The following IL6ST variants were observed in gnomAD, a reference collection of about 807,000 sequenced individuals.
IL6ST encodes interleukin 6 cytokine family signal transducer.
Under a neutral mutation model 91.3 loss-of-function variants are expected in IL6ST, and 24 were observed. The observed-to-expected ratio is 0.26, with a 90% CI of 0.19 to 0.37. The LOEUF (loss-of-function observed/expected upper bound fraction) is 0.37. Among genes scored for constraint, IL6ST ranks in the 10% least tolerant of loss-of-function variants. The probability of loss-of-function intolerance (pLI) is 1.00; values close to 1 mark genes in which losing one functional copy is unlikely to be tolerated. For synonymous variants in IL6ST, 351 were observed against 373.6 expected, an observed-to-expected ratio of 0.94 and a Z score of 0.70; for missense variants, 914 against 1,078.5, an observed-to-expected ratio of 0.85 and a Z score of 2.14.
intron 1 of IL6ST, among the ~76,000 whole-genome samples, chr5:55,993,218 T>A (rs1372244242): frequency 6.6e-6 from 1 of 152,210 alleles, no homozygotes; most frequent in Non-Finnish European, 1.5e-5. Flanking sequence ...GGGTTGCCCT[T>A]AAGTTCCCAA....
rs1217977982 is a variant in IL6ST, at chr5:55,968,275, C to T, written c.491+1G>A. ...CATGAAACAAATTTAAAATAACGTA[C>T]CATTCAGATTTTAAAGTGAAGTTTG... On this transcript the variant is annotated splice_donor_variant, in intron 5 of 16. Transcript: ENST00000381298. LOFTEE classifies it high-confidence loss of function. 1 of 1,579,420 alleles carries T rather than the reference C, an allele frequency of 6.3e-7. No homozygotes were observed. Among genetic ancestry groups the T allele is most frequent in the Non-Finnish European group, 8.6e-7 (1 of 1,167,328 alleles).
intron 16 of IL6ST, 27 bp downstream of exon 16, chr5:55,942,643 A>C (rs754836066): frequency 6.1e-6 from 8 of 1,308,734 alleles, no homozygotes; most frequent in Admixed American, 1.7e-5. Context: ...TGTATATTAT[A>C]AACAACTCAG....
intron 3 of IL6ST, among the ~76,000 whole-genome samples, chr5:55,973,737 C>T (rs1417882241): frequency 6.6e-6 from 1 of 152,140 alleles, no homozygotes; most frequent in African/African-American, 2.4e-5. Context: ...TCATTTTAAG[C>T]CTTGAAGATT....
rs142681756 is a variant in IL6ST at position 55,988,926 on chromosome 5, C to T, written c.-104+5858G>A. On this transcript the variant is annotated intron_variant, in intron 1 of 16. Coordinates refer to ENST00000381298, the MANE Select transcript of IL6ST (RefSeq NM_002184.4). The stretch of plus-strand genomic sequence containing the variant: ...AGGAGTTCAAGACCAGCCTAAGCAA[C>T]ATGGCAAAACCCCATCTCTATAAAA... 7.3e-3 allele frequency among the ~76,000 whole-genome samples: 1,092 copies of T among 150,248 alleles called. 13 individuals are homozygous for T. Among genetic ancestry groups the T allele is most frequent in the African/African-American group, 0.026 (1,052 of 40,784 alleles).
chr5:55,940,137 A>ATGTGTGTGTG lies in IL6ST; in HGVS notation c.*944_*945insCACACACACA, dbSNP rs58368867. On this transcript the variant is annotated 3_prime_UTR_variant, in exon 17 of 17. Transcript: ENST00000381298. ...AAAAGTCAATGATATGTGTGTGTAT[A>ATGTGTGTGTG]TATATATATATATATACACACATTA... 19,548 of 176,946 alleles carry ATGTGTGTGTG rather than the reference A, an allele frequency of 0.11. 1,333 individuals carry two copies. The highest frequency in any genetic ancestry group is 0.22 in the African/African-American group (9,011 of 40,638). 11.0% of individuals were successfully genotyped at this position (176,946 alleles called of 1,614,324 possible).
Position 55,936,341 on chromosome 5 carries a change from GTTTTTTT to G in IL6ST, c.*4734_*4740del, listed in dbSNP as rs57970223. On this transcript the variant is annotated 3_prime_UTR_variant, in exon 17 of 17. Coordinates refer to ENST00000381298, the MANE Select transcript of IL6ST (RefSeq NM_002184.4). ...ACTTGGGCTCTTGACAACCAAGTAG[GTTTTTTT>G]TTTTTTTTTTTTTTTTAATGTCCAC... 37 of 149,296 alleles carry G rather than the reference GTTTTTTT, an allele frequency of 2.5e-4. No homozygotes were observed. The highest frequency in any genetic ancestry group is 9.0e-4 in the African/African-American group (30 of 33,516). 9.2% of individuals were successfully genotyped at this position (149,296 alleles called of 1,614,324 possible).
intron 1 of IL6ST, among the ~76,000 whole-genome samples, chr5:55,993,652 T>C (rs1754460660): frequency 6.6e-6 from 1 of 152,248 alleles, no homozygotes; most frequent in Admixed American, 6.5e-5. Context: ...TGTAATTTTT[T>C]TCTTTCACTC....
At chr5:55,991,008 CA>C (rs1316895265) in intron 1 of IL6ST, among the ~76,000 whole-genome samples, 1 of 151,742 alleles carries the variant, frequency 6.6e-6, no homozygotes, top group East Asian at 1.9e-4. Flanking sequence ...TCTGTCCTTG[CA>C]ACAGTTTGCT....
intron 8 of IL6ST, among the ~76,000 whole-genome samples, 174 bp from the exon 9 acceptor site, chr5:55,957,465 A>C (rs891000779): frequency 6.6e-6 from 1 of 152,190 alleles, no homozygotes; most frequent in Admixed American, 6.5e-5. Context: ...CTCTTCCTTT[A>C]GTCAGGGTGA....
At chr5:55,947,305 G>C (rs76244218) in intron 15 of IL6ST, among the ~76,000 whole-genome samples, 188 bp downstream of exon 15, 5,076 of 152,142 alleles carry the variant, frequency 0.033, 292 homozygotes, top group African/African-American at 0.12. Flanking sequence ...AGATTACAAA[G>C]GAGAACAAGG....
chr5:55,945,676 T>TC (rs1351495898), intron 15 of IL6ST, among the ~76,000 whole-genome samples: 1,432 of 133,968 alleles, frequency 0.011, 43 homozygotes, highest in Non-Finnish European at 0.017. Context: ...TTTTTTTTTT[T>TC]CAGACACTCT....
intron 1 of IL6ST, among the ~76,000 whole-genome samples, chr5:55,985,517 T>C (rs1424923063): frequency 2.2e-5 from 3 of 135,740 alleles, no homozygotes; most frequent in Admixed American, 7.7e-5. Context: ...TGAGACTCCT[T>C]CTCAAAAAAA....
Position 55,939,060 on chromosome 5 carries a change from TTTG to T in IL6ST, c.*2019_*2021del, listed in dbSNP as rs942091260. On this transcript the variant is annotated 3_prime_UTR_variant, in exon 17 of 17. Coordinates refer to ENST00000381298, the MANE Select transcript of IL6ST (RefSeq NM_002184.4). ...CACTACAACATTCTTCATGACACTA[TTTG>T]TTATGAGGAAAGTTGCAGCTAAATA... 2.9e-5 allele frequency: 6 copies of T among 205,714 alleles called. No individual in the cohort carries two copies. Among genetic ancestry groups the T allele is most frequent in the African/African-American group, 1.1e-4 (5 of 43,848 alleles). 12.7% of individuals were successfully genotyped at this position (205,714 alleles called of 1,614,324 possible).
intron 6 of IL6ST, 92 bp downstream of exon 6, chr5:55,964,054 T>G (rs1752491773): frequency 3.3e-6 from 2 of 599,410 alleles, no homozygotes; most frequent in African/African-American, 3.9e-5. Flanking sequence ...AAAATCTACA[T>G]TAAAATCTTA....
At position 55,935,669 on chromosome 5, in the gene IL6ST, T is replaced by C; in HGVS notation, c.*5413A>G. ...GCTTGTAGTCTTTCACTCCATTAAC[T>C]TGCCCAAGCACTGGACTTAAGTATG... On this transcript the variant is annotated 3_prime_UTR_variant, in exon 17 of 17. Transcript: ENST00000381298. 4.6e-6 allele frequency: 1 copy of C among 219,332 alleles called. No homozygotes were observed. Among genetic ancestry groups the C allele is most frequent in the Non-Finnish European group, 9.2e-6 (1 of 109,272 alleles). The allele number at this position is 219,332 out of a possible 1,614,324, so 13.6% of individuals were successfully genotyped here. A position where few individuals can be genotyped will look rare whatever the true frequency, so the allele number is the denominator to read the frequency against.
At chr5:55,978,479 G>C (rs1181452266) in intron 2 of IL6ST, 1 of 152,408 alleles carries the variant, frequency 6.6e-6, no homozygotes, top group Non-Finnish European at 1.5e-5. Flanking sequence ...TATAATCCCA[G>C]CACTTTGGGA....
chr5:55,952,904 T>G (rs1751728319), intron 11 of IL6ST, among the ~76,000 whole-genome samples: 4 of 151,684 alleles, frequency 2.6e-5, no homozygotes, highest in Admixed American at 2.6e-4. Context: ...TTACTGAAAA[T>G]ACAAAAATTA....
In IL6ST at chr5:55,935,807, C is replaced by G. The variant is rs1334169932; in HGVS notation, c.*5275G>C. The G allele has an allele frequency of 4.6e-6, 1 of 217,048 alleles. No homozygotes were observed. Among genetic ancestry groups the G allele is most frequent in the East Asian group, 6.8e-5 (1 of 14,606 alleles). The allele number at this position is 217,048 out of a possible 1,614,324, so 13.4% of individuals were successfully genotyped here. On this transcript the variant is annotated 3_prime_UTR_variant, in exon 17 of 17. Coordinates refer to ENST00000381298, the MANE Select transcript of IL6ST (RefSeq NM_002184.4). The stretch of plus-strand genomic sequence containing the variant: ...AGTTAAGCAATCCTGAACAAGAAAA[C>G]TCTCTCACTGCCTTTGGGCTAGAGA...
At chr5:55,980,332 C>T (rs1045731506) in intron 2 of IL6ST, among the ~76,000 whole-genome samples, 13 of 152,146 alleles carry the variant, frequency 8.5e-5, no homozygotes, top group Admixed American at 7.2e-4. Context: ...GGTGGATCAT[C>T]TGAGGTCAGG....
Sources: gnomAD v4.1 joint callset for allele counts (sites outside exome capture counted in the v4.1 genomes callset) on GRCh38, gnomAD v4.1.1 for gene constraint, MANE v1.5 for transcripts, NCBI Gene and HGNC (gene_info 2026-07-23, HGNC 2026-07-21) for gene names.